Variants in CCDC180 observed in about 807,000 individuals in gnomAD.
The protein encoded by CCDC180 is coiled-coil domain-containing protein 180.
A neutral mutation model predicts 209.2 loss-of-function variants in CCDC180; 154 were observed. The observed-to-expected ratio is 0.74, with a 90% confidence interval of 0.65 to 0.84. CCDC180 has a LOEUF of 0.84. Among genes scored for constraint, CCDC180 ranks in the 40% least tolerant of loss-of-function variants. The pLI is 0.00. For synonymous variants in CCDC180, 778 were observed against 749.1 expected, an observed-to-expected ratio of 1.04 and a Z score of -0.63; for missense variants, 1,874 against 1,997.3, an observed-to-expected ratio of 0.94 and a Z score of 1.18.
rs112789307 is a variant in CCDC180, at chr9:97,320,319, G to A, written c.1159+114G>A. ...GCCATCATGGGGAGGAGGGATGGGGGTGTGGCAGGAAAAGTGAGCTCTGAG... is the reference window on the plus strand; with the variant it reads ...GCCATCATGGGGAGGAGGGATGGGGATGTGGCAGGAAAAGTGAGCTCTGAG... On this transcript the variant is annotated intron_variant, in intron 11 of 36. Coordinates refer to ENST00000529487, the MANE Select transcript of CCDC180 (RefSeq NM_020893.6). 2,410 of 1,002,380 alleles carry A rather than the reference G, an allele frequency of 2.4e-3. 34 individuals are homozygous for A. The African/African-American group carries it at 0.033, about 14-fold the overall frequency. The allele number at this position is 1,002,380 out of a possible 1,614,324, so 62.1% of individuals were successfully genotyped here.
chr9:97,347,638 G>T, intron 20 of CCDC180, 149 bp downstream of exon 20: 1 of 716,934 alleles, frequency 1.4e-6, no homozygotes, highest in Non-Finnish European at 2.2e-6. Flanking sequence ...GTACATGAGG[G>T]TTCGCACCTC....
intron 29 of CCDC180, among the ~76,000 whole-genome samples, chr9:97,364,893 G>A (rs189324654): frequency 5.3e-5 from 8 of 152,282 alleles, no homozygotes; most frequent in Admixed American, 1.3e-4. Context: ...GGCACTGCCC[G>A]GTACAGGCAC....
At chr9:97,356,016 TG>T (rs1826572949) in intron 24 of CCDC180, among the ~76,000 whole-genome samples, 1 of 151,566 alleles carries the variant, frequency 6.6e-6, no homozygotes, top group Admixed American at 6.6e-5. Context: ...ACTTCGAGGG[TG>T]GGGGTCCTGG....
chr9:97,307,428 A>G (rs2118485531), upstream of CCDC180: 1 of 577,492 alleles, frequency 1.7e-6, no homozygotes, highest in Non-Finnish European at 3.3e-6. Flanking sequence ...CCTCCAATCT[A>G]CCGGGCTCAG....
chr9:97,343,773 C>T (rs1391726504), intron 19 of CCDC180: 1 of 544,070 alleles, frequency 1.8e-6, no homozygotes, highest in African/African-American at 1.9e-5. Flanking sequence ...TGAGAGTGAC[C>T]CCCTGCACCC....
At chr9:97,311,905 C>T (rs562800460) in intron 3 of CCDC180, among the ~76,000 whole-genome samples, 5 of 152,236 alleles carry the variant, frequency 3.3e-5, no homozygotes, top group Admixed American at 2.6e-4. Context: ...CACCTAGGGA[C>T]CCACGGTGTC....
chr9:97,320,413 G>A (rs1319304730), intron 11 of CCDC180, among the ~76,000 whole-genome samples: 5 of 152,074 alleles, frequency 3.3e-5, no homozygotes, highest in East Asian at 3.9e-4. Context: ...TACACTAGCC[G>A]CACCCTATGA....
intron 10 of CCDC180, among the ~76,000 whole-genome samples, chr9:97,318,856 C>T (rs575721354): frequency 2.6e-5 from 4 of 152,192 alleles, no homozygotes; most frequent in African/African-American, 4.8e-5. Flanking sequence ...GATCAGAGCA[C>T]GCAGGAACTG....
chr9:97,335,411 G>A (rs1390031571), intron 18 of CCDC180, among the ~76,000 whole-genome samples: 1 of 151,998 alleles, frequency 6.6e-6, no homozygotes. Flanking sequence ...TCCCACCTAT[G>A]AGTGAGAACA....
intron 21 of CCDC180, among the ~76,000 whole-genome samples, chr9:97,349,552 A>G (rs1219080553): frequency 6.6e-6 from 1 of 152,222 alleles, no homozygotes; most frequent in African/African-American, 2.4e-5. Context: ...ATGAAATATC[A>G]GTGGTGGGGA....
intron 33 of CCDC180, chr9:97,371,315 G>A (rs1827095947): frequency 7.5e-6 from 2 of 266,332 alleles, no homozygotes; most frequent in Admixed American, 9.8e-5. Flanking sequence ...AATTACTGAC[G>A]ATAACTTTTA....
intron 31 of CCDC180, 194 bp from the exon 32 acceptor site, chr9:97,369,728 A>G (rs562937205): frequency 3.6e-6 from 2 of 548,332 alleles, no homozygotes; most frequent in Admixed American, 6.5e-5. Context: ...GGTGTAAGCC[A>G]CTGCAGCTGG....
intron 31 of CCDC180, among the ~76,000 whole-genome samples, chr9:97,367,089 C>G (rs961151742): frequency 7.9e-5 from 12 of 152,104 alleles, no homozygotes; most frequent in Non-Finnish European, 1.5e-4. Context: ...AAACCCCATC[C>G]CCTAACCCCT....
intron 29 of CCDC180, chr9:97,364,578 A>C: frequency 1.2e-5 from 2 of 168,702 alleles, no homozygotes; most frequent in Non-Finnish European, 2.5e-5. Flanking sequence ...AGGAGCTCCC[A>C]CTCCCACTAT....
At chr9:97,338,561 T>C (rs1825980448) in intron 18 of CCDC180, among the ~76,000 whole-genome samples, 1 of 152,230 alleles carries the variant, frequency 6.6e-6, no homozygotes, top group Non-Finnish European at 1.5e-5. Flanking sequence ...TTACATTTGC[T>C]GAGAAGTGCT....
chr9:97,365,721 C>G lies in CCDC180; in HGVS notation c.4029C>G (p.Asn1343Lys), dbSNP rs148165882. The G allele has an allele frequency of 7.5e-3, 12,167 of 1,613,962 alleles. 68 individuals carry two copies. The highest frequency in any genetic ancestry group is 8.5e-3 in the Non-Finnish European group (10,041 of 1,179,922). ...ILTLLWESSE[N>K]LLTVAEEFYR... is the part of the protein sequence containing the mutation. ...CCCTCCTCTGGGAGAGCAGTGAGAA[C>G]CTGCTGACAGTCGCAGAGGTGAGGA... The change falls in exon 30 of 37, where the codon AAC becomes AAG. Residue 1343 changes from asparagine to lysine, a missense_variant. Physicochemically the swap from Asn to Lys is moderately conservative, Grantham distance 94. Transcript: ENST00000529487.
chr9:97,345,492 C>T (rs973475959), intron 19 of CCDC180: 4 of 373,614 alleles, frequency 1.1e-5, no homozygotes, highest in African/African-American at 4.4e-5. Context: ...ACTCATTGGG[C>T]CATTTGGTTA....
At chr9:97,347,036 A>G (rs956593679) in intron 19 of CCDC180, among the ~76,000 whole-genome samples, 1 of 152,238 alleles carries the variant, frequency 6.6e-6, no homozygotes, top group Non-Finnish European at 1.5e-5. Context: ...GTTTGGCCAT[A>G]TCTGCCAAAA....
chr9:97,308,217 C>T, intron 2 of CCDC180, 85 bp downstream of exon 2: 1 of 1,274,850 alleles, frequency 7.8e-7, no homozygotes. Context: ...GGCTTCCCTA[C>T]TGGAAATTGA....
Sources: gnomAD v4.1 joint callset for allele counts (sites outside exome capture counted in the v4.1 genomes callset) on GRCh38, gnomAD v4.1.1 for gene constraint, MANE v1.5 for transcripts, NCBI Gene and HGNC (gene_info 2026-07-23, HGNC 2026-07-21) for gene names.